The following LAPTM4B variants were observed in gnomAD, a reference collection of about 807,000 sequenced individuals.
LAPTM4B encodes lysosomal protein transmembrane 4 beta.
In LAPTM4B, 26 loss-of-function variants were observed where a neutral mutation model predicts 28.5. That is an observed-to-expected ratio of 0.91 (90% CI 0.67 to 1.27). LAPTM4B has a LOEUF of 1.27. LAPTM4B is among the 50% of genes most tolerant of loss of function. The pLI, the probability that LAPTM4B is intolerant of heterozygous loss-of-function variation, is 0.00. For missense variants in LAPTM4B, 288 were observed against 285.8 expected (o/e 1.01, Z -0.06); for synonymous variants, 109 against 106.4 (o/e 1.02, Z -0.15).
chr8:97,819,381 T>TG, intron 5 of LAPTM4B, 143 bp downstream of exon 5: 2 of 597,260 alleles, frequency 3.3e-6, no homozygotes, highest in Non-Finnish European at 3.0e-6. Flanking sequence ...CAATTCTTTA[T>TG]GCTGTCTATG....
intron 6 of LAPTM4B, 45 bp downstream of exon 6, chr8:97,825,198 A>G: frequency 1.0e-6 from 1 of 981,884 alleles, no homozygotes; most frequent in Non-Finnish European, 1.6e-6. Flanking sequence ...CCACACCTTT[A>G]CTGTATGCTG....
intron 1 of LAPTM4B, among the ~76,000 whole-genome samples, chr8:97,793,464 G>T (rs535441328): frequency 6.6e-6 from 1 of 152,206 alleles, no homozygotes; most frequent in South Asian, 2.1e-4. Context: ...AATAAAAATT[G>T]TTCTTGGAAT....
At chr8:97,790,692 C>T (rs769467938) in intron 1 of LAPTM4B, among the ~76,000 whole-genome samples, 6 of 152,086 alleles carry the variant, frequency 3.9e-5, no homozygotes, top group Admixed American at 6.6e-5. Context: ...GTTATCTGCC[C>T]GCCTCAGCTT....
At chr8:97,831,814 G>A (rs757111214) in intron 6 of LAPTM4B, among the ~76,000 whole-genome samples, 3 of 152,182 alleles carry the variant, frequency 2.0e-5, no homozygotes, top group Non-Finnish European at 2.9e-5. Context: ...GGGCGCAGAC[G>A]TTTCCTTGGG....
rs994253769 is a variant in LAPTM4B at position 97,824,434 on chromosome 8, T to C, written c.508-624T>C. Among the ~76,000 whole-genome samples the C allele has an allele frequency of 9.2e-5, 14 of 152,344 alleles. No homozygotes were observed. In the East Asian group the frequency reaches 2.7e-3, roughly 29 times the overall value. On this transcript the variant is annotated intron_variant, in intron 5 of 6. Transcript: ENST00000521545. ...CCAATTACACATGATGGAATGAAAGTACAGAGTTCATAGCTTAAACATCTC... is the reference window on the plus strand; with the variant it reads ...CCAATTACACATGATGGAATGAAAGCACAGAGTTCATAGCTTAAACATCTC...
chr8:97,817,759 A>T (rs200076943), intron 4 of LAPTM4B, among the ~76,000 whole-genome samples: 1 of 148,672 alleles, frequency 6.7e-6, no homozygotes, highest in Non-Finnish European at 1.5e-5. Context: ...TAATTTTTGT[A>T]TTTTTTTTTT....
At chr8:97,789,096 G>A (rs1816456699) in intron 1 of LAPTM4B, among the ~76,000 whole-genome samples, 2 of 145,776 alleles carry the variant, frequency 1.4e-5, no homozygotes, top group Non-Finnish European at 3.0e-5. Flanking sequence ...ATTTTGAGAC[G>A]GAGTTTTGCT....
intron 1 of LAPTM4B, among the ~76,000 whole-genome samples, chr8:97,802,859 G>A (rs1463665419): frequency 1.3e-5 from 2 of 151,718 alleles, no homozygotes; most frequent in Admixed American, 6.6e-5. Context: ...AATTTTTTTC[G>A]AAAAGCAATC....
intron 1 of LAPTM4B, chr8:97,788,389 G>A (rs567943342): frequency 5.4e-4 from 153 of 285,326 alleles, no homozygotes; most frequent in African/African-American, 3.2e-3. Flanking sequence ...CACACACCAC[G>A]ATGGTGGAGA....
chr8:97,823,006 T>C (rs546151938), intron 5 of LAPTM4B, among the ~76,000 whole-genome samples: 3 of 152,010 alleles, frequency 2.0e-5, no homozygotes, highest in Non-Finnish European at 4.4e-5. Flanking sequence ...CATGCCCGGC[T>C]AGTTTTTTGT....
intron 2 of LAPTM4B, among the ~76,000 whole-genome samples, chr8:97,813,894 C>T (rs1419457407): frequency 6.6e-6 from 1 of 151,876 alleles, no homozygotes; most frequent in African/African-American, 2.4e-5. Context: ...TTTGTTCTGC[C>T]AGATCTAGGA....
chr8:97,787,291 T>C (rs1357608523), intron 1 of LAPTM4B, among the ~76,000 whole-genome samples: 2 of 150,254 alleles, frequency 1.3e-5, no homozygotes, highest in African/African-American at 2.4e-5. Context: ...TTCTTTCTTT[T>C]TTTTTTTTTT....
chr8:97,841,386 G>A (rs189426459), intron 6 of LAPTM4B, among the ~76,000 whole-genome samples: 1 of 152,314 alleles, frequency 6.6e-6, no homozygotes, highest in Admixed American at 6.5e-5. Flanking sequence ...GGAGTGCAAT[G>A]GCACGATCTT....
intron 1 of LAPTM4B, among the ~76,000 whole-genome samples, chr8:97,791,281 A>G (rs1444425457): frequency 3.3e-5 from 5 of 152,144 alleles, no homozygotes; most frequent in African/African-American, 9.6e-5. Flanking sequence ...CTCTCTCTTC[A>G]TATTCAAATA....
At chr8:97,798,601 T>C (rs1816626672) in intron 1 of LAPTM4B, among the ~76,000 whole-genome samples, 1 of 151,876 alleles carries the variant, frequency 6.6e-6, no homozygotes, top group Admixed American at 6.6e-5. Context: ...GAGTGGGTGA[T>C]AATAGTTACT....
At chr8:97,841,085 G>A (rs958103334) in intron 6 of LAPTM4B, among the ~76,000 whole-genome samples, 1 of 148,944 alleles carries the variant, frequency 6.7e-6, no homozygotes, top group Non-Finnish European at 1.5e-5. Context: ...CTGGGTAGAG[G>A]TGCTCCTCAC....
At chr8:97,818,567 C>T (rs1260687923) in intron 4 of LAPTM4B, among the ~76,000 whole-genome samples, 2 of 152,148 alleles carry the variant, frequency 1.3e-5, no homozygotes, top group Non-Finnish European at 2.9e-5. Context: ...GATTATTTCC[C>T]CCCACCCTGG....
intron 2 of LAPTM4B, among the ~76,000 whole-genome samples, chr8:97,812,225 TTG>T (rs374740268): frequency 0.43 from 41,159 of 95,364 alleles, 7,003 homozygotes; most frequent in East Asian, 0.63. Context: ...TTGTTGTTTT[TTG>T]TTTTTTTTTT....
chr8:97,800,527 G>C (rs2438219), intron 1 of LAPTM4B, among the ~76,000 whole-genome samples: 2 of 112,132 alleles, frequency 1.8e-5, no homozygotes, highest in Admixed American at 1.0e-4. Context: ...TGGAGTTTTC[G>C]CTTTTGTTGC....
Sources: gnomAD v4.1 joint callset for allele counts (sites outside exome capture counted in the v4.1 genomes callset) on GRCh38, gnomAD v4.1.1 for gene constraint, MANE v1.5 for transcripts, NCBI Gene and HGNC (gene_info 2026-07-23, HGNC 2026-07-21) for gene names.